PRKCE: variants seen among roughly 807,000 people sequenced by gnomAD.
The protein encoded by PRKCE is protein kinase C epsilon, also known as protein kinase C epsilon type.
In PRKCE, 16 loss-of-function variants were observed where a neutral mutation model predicts 85.4. That is an observed-to-expected ratio of 0.19 (90% CI 0.13 to 0.28). PRKCE has a LOEUF of 0.28. Ranked by LOEUF, PRKCE falls within the 10% of genes least tolerant of loss-of-function variation. The pLI is 1.00. For synonymous variants in PRKCE, 388 were observed against 371.5 expected (o/e 1.04, Z -0.51); for missense variants, 573 against 975.2 (o/e 0.59, Z 5.49).
chr2:45,862,241 T>G (rs1165275109), intron 2 of PRKCE, among the ~76,000 whole-genome samples: 1 of 151,596 alleles, frequency 6.6e-6, no homozygotes, highest in Non-Finnish European at 1.5e-5. Context: ...ATTTCAAATC[T>G]GTTACTCTGA....
At chr2:46,177,824 A>G (rs144571901) in intron 14 of PRKCE, among the ~76,000 whole-genome samples, 1 of 152,340 alleles carries the variant, frequency 6.6e-6, no homozygotes, top group African/African-American at 2.4e-5. Context: ...GAAATTATAA[A>G]ACATTGATAC....
In PRKCE at chr2:45,772,018, A is replaced by G. The variant is rs186368321; in HGVS notation, c.349-70982A>G. On this transcript the variant is annotated intron_variant, in intron 1 of 14. Coordinates refer to ENST00000306156, the MANE Select transcript of PRKCE (RefSeq NM_005400.3). ...GGGCAACCCCTTCTCATATCATTTC[A>G]TGCTCTCAGTGGCTCTTGGAGATGT... 3.3e-5 allele frequency among the ~76,000 whole-genome samples: 5 copies of G among 152,152 alleles called. No individual in the cohort carries two copies. The East Asian group carries it at 9.7e-4, about 29-fold the overall frequency.
Position 45,977,305 on chromosome 2 carries a change from T to C in PRKCE, c.572+717T>C, listed in dbSNP as rs1264797690. Among the ~76,000 whole-genome samples, 14 of 152,208 alleles carry C rather than the reference T, an allele frequency of 9.2e-5. 1 individual carries two copies. In the South Asian group the frequency reaches 2.7e-3, roughly 29 times the overall value. ...AATAATTCACTGAATTATTTACAAG[T>C]GAAATTATCTGATGCCTAGGATTTG... On this transcript the variant is annotated intron_variant, in intron 3 of 14. Transcript: ENST00000306156.
At chr2:45,716,680 GA>G (rs1680133669) in intron 1 of PRKCE, among the ~76,000 whole-genome samples, 7 of 123,244 alleles carry the variant, frequency 5.7e-5, no homozygotes, top group South Asian at 2.7e-4. Context: ...AGAAGAAGAA[GA>G]AGAAGAAGAG....
At chr2:46,074,429 C>CAAAAAAAAAAAAAAAAAAAAAAACAA (rs11287357) in intron 10 of PRKCE, among the ~76,000 whole-genome samples, 1 of 93,886 alleles carries the variant, frequency 1.1e-5, no homozygotes, top group African/African-American at 4.2e-5. Context: ...CAACAACAAC[C>CAAAAAAAAAAAAAAAAAAAAAAACAA]AAAAAAAAAA....
At position 45,895,934 on chromosome 2, in the gene PRKCE, C is replaced by T. The variant is rs964283450; in HGVS notation, c.412+52871C>T. ...TGTGGCTGAAGTTCACCGTGTGACA[C>T]TGTCCACGAGGAAGGCCTCAGATGA... On this transcript the variant is annotated intron_variant, in intron 2 of 14. Transcript: ENST00000306156. The surrounding 1 kb of genome is among the most constrained non-coding windows in gnomAD (Gnocchi z 4.8). 1.3e-5 allele frequency among the ~76,000 whole-genome samples: 2 copies of T among 152,188 alleles called. No homozygotes were observed. Among genetic ancestry groups the T allele is most frequent in the African/African-American group, 2.4e-5 (1 of 41,446 alleles).
At chr2:45,758,795 T>G (rs992649293) in intron 1 of PRKCE, among the ~76,000 whole-genome samples, 1 of 152,214 alleles carries the variant, frequency 6.6e-6, no homozygotes, top group African/African-American at 2.4e-5. Context: ...GCTCAATAAA[T>G]TTTTGTTGAC....
Position 45,750,151 on chromosome 2 carries a change from A to G in PRKCE, c.349-92849A>G, listed in dbSNP as rs147852064. On this transcript the variant is annotated intron_variant, in intron 1 of 14. Coordinates refer to ENST00000306156, the MANE Select transcript of PRKCE (RefSeq NM_005400.3). ...AAAATTATGGTGAAGTACATATAAC[A>G]TAAAATGTACCGTTAGTGAAAATAT... 1.8e-3 allele frequency among the ~76,000 whole-genome samples: 279 copies of G among 152,322 alleles called. 2 individuals are homozygous for G. The highest frequency in any genetic ancestry group is 6.5e-3 in the African/African-American group (269 of 41,556).
At chr2:45,900,368 T>C (rs949225709) in intron 2 of PRKCE, among the ~76,000 whole-genome samples, 10 of 152,232 alleles carry the variant, frequency 6.6e-5, no homozygotes, top group African/African-American at 2.4e-4. Flanking sequence ...ACAACTCGAA[T>C]GTCCATCAGT....
At chr2:45,703,551 A>G (rs1678858089) in intron 1 of PRKCE, among the ~76,000 whole-genome samples, 1 of 151,906 alleles carries the variant, frequency 6.6e-6, no homozygotes, top group Non-Finnish European at 1.5e-5. Context: ...AAAAAAAAGA[A>G]TAAAGAAAAG....
At chr2:45,780,831 T>C (rs1686124504) in intron 1 of PRKCE, among the ~76,000 whole-genome samples, 1 of 152,220 alleles carries the variant, frequency 6.6e-6, no homozygotes. Flanking sequence ...ATAACATGTT[T>C]CTATTTTCTA....
chr2:46,177,896 A>G (rs1339746706), intron 14 of PRKCE, among the ~76,000 whole-genome samples: 1 of 152,198 alleles, frequency 6.6e-6, no homozygotes, highest in Non-Finnish European at 1.5e-5. Context: ...ACACCACTGC[A>G]CTTGGCACTG....
chr2:45,756,476 C>T (rs760725522), intron 1 of PRKCE, among the ~76,000 whole-genome samples: 3 of 152,196 alleles, frequency 2.0e-5, no homozygotes, highest in Non-Finnish European at 4.4e-5. Flanking sequence ...GTGATCCAGC[C>T]ATTTCACTCT....
chr2:45,872,669 T>A (rs1266651482), intron 2 of PRKCE, among the ~76,000 whole-genome samples: 3 of 152,066 alleles, frequency 2.0e-5, no homozygotes, highest in African/African-American at 7.2e-5. Flanking sequence ...ATGCCAGAAG[T>A]GGATTGGAGA....
rs762224657 is a variant in PRKCE at position 46,068,025 on chromosome 2, C to T, written c.1438-18183C>T. ...ACTGGCTTACTGATTATATCACTCG[C>T]GAAGGGATTAGTCAGAAGGCAATGG... On this transcript the variant is annotated intron_variant, in intron 10 of 14. Coordinates refer to ENST00000306156, the MANE Select transcript of PRKCE (RefSeq NM_005400.3). This position sits in a 1 kb window ranked among gnomAD's most constrained non-coding sequence, Gnocchi z 4.3. 2.0e-5 allele frequency among the ~76,000 whole-genome samples: 3 copies of T among 152,014 alleles called. No individual in the cohort carries two copies. The highest frequency in any genetic ancestry group is 4.8e-5 in the African/African-American group (2 of 41,400).
intron 2 of PRKCE, among the ~76,000 whole-genome samples, chr2:45,903,888 T>TTTTTTG (rs1353470104): frequency 0.034 from 2,199 of 65,066 alleles, 141 homozygotes; most frequent in African/African-American, 0.15. Flanking sequence ...GCAGTTTTTT[T>TTTTTTG]TTGTTTGTTT....
intron 1 of PRKCE, among the ~76,000 whole-genome samples, chr2:45,708,558 C>T (rs1392099239): frequency 2.6e-5 from 4 of 152,196 alleles, no homozygotes; most frequent in Admixed American, 2.0e-4. Flanking sequence ...GTGACTTGCT[C>T]CTCCTTGCCT....
At chr2:45,772,572 T>C (rs1270121188) in intron 1 of PRKCE, among the ~76,000 whole-genome samples, 2 of 152,198 alleles carry the variant, frequency 1.3e-5, no homozygotes, top group Non-Finnish European at 2.9e-5. Flanking sequence ...CCTAGGCTCT[T>C]TGGGGACCCT....
chr2:45,797,644 T>G (rs1315123645), intron 1 of PRKCE, among the ~76,000 whole-genome samples: 1 of 152,194 alleles, frequency 6.6e-6, no homozygotes, highest in Non-Finnish European at 1.5e-5. Flanking sequence ...TGTCTTTGGT[T>G]GGGGCGGTCT....
Sources: allele counts gnomAD v4.1 joint callset (sites outside exome capture counted in the v4.1 genomes callset), GRCh38; gene constraint gnomAD v4.1.1; non-coding constraint Gnocchi (gnomAD v3.1); transcripts MANE v1.5; gene names NCBI Gene and HGNC (gene_info 2026-07-23, HGNC 2026-07-21).